MARCHF11: variants seen among roughly 807,000 people sequenced by gnomAD.
The protein encoded by MARCHF11 is membrane associated ring-CH-type finger 11, also known as E3 ubiquitin-protein ligase MARCHF11.
MARCHF11 carries 29 observed loss-of-function variants against 37.3 expected under a neutral mutation model. The ratio of observed to expected loss-of-function variants is 0.78; its 90% CI spans 0.58 to 1.06. The LOEUF is 1.06. MARCHF11 is among the 50% of genes least tolerant of loss of function. MARCHF11 has a pLI of 0.00. For missense variants in MARCHF11, 482 were observed against 533.4 expected (o/e 0.90, Z 0.95); for synonymous variants, 233 against 228.0 (o/e 1.02, Z -0.20).
At chr5:16,099,350 A>C (rs1262300466) in intron 2 of MARCHF11, among the ~76,000 whole-genome samples, 7 of 152,238 alleles carry the variant, frequency 4.6e-5, no homozygotes, top group Non-Finnish European at 8.8e-5. Context: ...ATTATAACCC[A>C]TAAAAGAGAG....
chr5:16,141,201 T>C (rs1737696926), intron 2 of MARCHF11: 3 of 152,138 alleles, frequency 2.0e-5, no homozygotes, highest in Admixed American at 6.6e-5. Flanking sequence ...AGAAGGTTTA[T>C]CTAATGACTG....
chr5:16,137,752 T>A (rs933484968), intron 2 of MARCHF11, among the ~76,000 whole-genome samples: 1 of 152,150 alleles, frequency 6.6e-6, no homozygotes, highest in African/African-American at 2.4e-5. Context: ...AGGAACTTAT[T>A]GGGAACTGGA....
intron 3 of MARCHF11, among the ~76,000 whole-genome samples, chr5:16,088,479 C>T (rs1378962151): frequency 1.3e-5 from 2 of 152,272 alleles, no homozygotes; most frequent in Middle Eastern, 3.4e-3. Context: ...CTAAATCTTC[C>T]AGTCGGGAGT....
At chr5:16,131,543 G>T (rs1016752850) in intron 2 of MARCHF11, among the ~76,000 whole-genome samples, 1 of 152,180 alleles carries the variant, frequency 6.6e-6, no homozygotes, top group Non-Finnish European at 1.5e-5. Flanking sequence ...AGAAGAACTG[G>T]TCGGGGGTGG....
rs111551647 is a variant in MARCHF11 at position 16,084,650 on chromosome 5, C to CA, written c.886+6238dup. On this transcript the variant is annotated intron_variant, in intron 3 of 3. Transcript: ENST00000332432. Reference sequence around the variant, plus strand: ...AGAGCAAGACTCTGTGTCAAAAAAACAAAAAAAAAAAAGAATTTACATGGA... The same window carrying CA: ...AGAGCAAGACTCTGTGTCAAAAAAACAAAAAAAAAAAAAGAATTTACATGGA... 4.0e-3 allele frequency among the ~76,000 whole-genome samples: 492 copies of CA among 123,676 alleles called. 2 individuals are homozygous for CA. Among genetic ancestry groups the CA allele is most frequent in the Middle Eastern group, 0.013 (3 of 226 alleles). 81.1% of individuals were successfully genotyped at this position (123,676 alleles called of 152,430 possible).
chr5:16,143,877 A>G (rs919050240), intron 2 of MARCHF11, among the ~76,000 whole-genome samples: 14 of 150,292 alleles, frequency 9.3e-5, no homozygotes, highest in African/African-American at 3.5e-4. Context: ...TACTGGCAGG[A>G]CTTCAGAGTA....
At chr5:16,091,403 C>T (rs7732953) in intron 2 of MARCHF11, among the ~76,000 whole-genome samples, 56,367 of 151,942 alleles carry the variant, frequency 0.37, 11,253 homozygotes, top group East Asian at 0.57. Flanking sequence ...CATGCATGCA[C>T]GAAATTAAAT....
chr5:16,173,783 G>T (rs1738311459), intron 2 of MARCHF11, among the ~76,000 whole-genome samples: 1 of 152,178 alleles, frequency 6.6e-6, no homozygotes, highest in African/African-American at 2.4e-5. Flanking sequence ...TCCAGAGCCA[G>T]CATTTAAATG....
chr5:16,174,613 A>T (rs1450821623), intron 2 of MARCHF11, among the ~76,000 whole-genome samples: 2 of 152,200 alleles, frequency 1.3e-5, no homozygotes, highest in Non-Finnish European at 2.9e-5. Context: ...GAAATACAAC[A>T]CGGTAATACT....
At chr5:16,143,637 A>G (rs1737754129) in intron 2 of MARCHF11, among the ~76,000 whole-genome samples, 1 of 152,252 alleles carries the variant, frequency 6.6e-6, no homozygotes, top group Non-Finnish European at 1.5e-5. Flanking sequence ...CCAACTAACA[A>G]AGGCATTTTT....
At chr5:16,093,669 C>G (rs552668593) in intron 2 of MARCHF11, among the ~76,000 whole-genome samples, 1 of 152,116 alleles carries the variant, frequency 6.6e-6, no homozygotes, top group African/African-American at 2.4e-5. Context: ...GGACGCTTCA[C>G]GCTTGTTTTG....
chr5:16,102,607 C>G (rs745731564), intron 2 of MARCHF11, among the ~76,000 whole-genome samples: 8 of 152,182 alleles, frequency 5.3e-5, no homozygotes, highest in Non-Finnish European at 8.8e-5. Flanking sequence ...GGAAGACTGC[C>G]TTCCCACTCC....
rs1336506311 is a variant in MARCHF11 at position 16,160,346 on chromosome 5, A to G, written c.693+17380T>C. 2.8e-5 allele frequency among the ~76,000 whole-genome samples: 4 copies of G among 144,672 alleles called. No individual in the cohort carries two copies. The Admixed American group carries it at 2.8e-4, about 10-fold the overall frequency. The allele number at this position is 144,672 out of a possible 152,430, so 94.9% of individuals were successfully genotyped here. ...CATTTAATAATTTAATATATTAATT[A>G]TATATTAAATATTTAATATATAAAT... On this transcript the variant is annotated intron_variant, in intron 2 of 3. Coordinates refer to ENST00000332432, the MANE Select transcript of MARCHF11 (RefSeq NM_001102562.3).
intron 2 of MARCHF11, among the ~76,000 whole-genome samples, chr5:16,157,700 A>G (rs891663925): frequency 6.6e-6 from 1 of 151,970 alleles, no homozygotes; most frequent in African/African-American, 2.4e-5. Flanking sequence ...ATGATTTACA[A>G]ATTAAACATA....
intron 2 of MARCHF11, among the ~76,000 whole-genome samples, chr5:16,146,354 AC>A (rs1737794559): frequency 6.6e-6 from 1 of 152,196 alleles, no homozygotes; most frequent in African/African-American, 2.4e-5. Flanking sequence ...AATTAGCAAA[AC>A]AAGGTGCAGT....
At chr5:16,086,474 T>C (rs1351786194) in intron 3 of MARCHF11, among the ~76,000 whole-genome samples, 1 of 152,236 alleles carries the variant, frequency 6.6e-6, no homozygotes, top group African/African-American at 2.4e-5. Context: ...TCCGTGTTTT[T>C]AAGTGTTATA....
chr5:16,122,050 G>T (rs1737316951), intron 2 of MARCHF11, among the ~76,000 whole-genome samples: 1 of 152,022 alleles, frequency 6.6e-6, no homozygotes, highest in African/African-American at 2.4e-5. Context: ...CTGTCCAAAG[G>T]CACCTGGCTA....
intron 2 of MARCHF11, among the ~76,000 whole-genome samples, chr5:16,130,675 G>A (rs1737502185): frequency 6.6e-6 from 1 of 152,142 alleles, no homozygotes; most frequent in Admixed American, 6.5e-5. Flanking sequence ...AAGTGTCATT[G>A]AATGGAGTCA....
chr5:16,178,845 C>T (rs999086121), intron 1 of MARCHF11, among the ~76,000 whole-genome samples, 194 bp downstream of exon 1: 4 of 151,896 alleles, frequency 2.6e-5, no homozygotes, highest in African/African-American at 9.7e-5. Context: ...GTATTCACCA[C>T]TGGGACATTT....
Sources: gnomAD v4.1 joint callset for allele counts (sites outside exome capture counted in the v4.1 genomes callset) on GRCh38, gnomAD v4.1.1 for gene constraint, MANE v1.5 for transcripts, NCBI Gene and HGNC (gene_info 2026-07-23, HGNC 2026-07-21) for gene names.